CSDE1: variants seen among roughly 807,000 people sequenced by gnomAD.
CSDE1 encodes the protein cold shock domain containing E1.
In CSDE1, 17 loss-of-function variants were observed where a neutral mutation model predicts 89.3. That is an observed-to-expected ratio of 0.19 (90% CI 0.13 to 0.29). The LOEUF is 0.29. Among genes scored for constraint, CSDE1 ranks in the 10% least tolerant of loss-of-function variants. The pLI, the probability that CSDE1 is intolerant of heterozygous loss-of-function variation, is 1.00. For missense variants in CSDE1, 672 were observed against 984.2 expected, an observed-to-expected ratio of 0.68 and a Z score of 4.24; for synonymous variants, 322 against 332.8, an observed-to-expected ratio of 0.97 and a Z score of 0.35.
intron 1 of CSDE1, among the ~76,000 whole-genome samples, chr1:114,755,566 A>G (rs1558012090): frequency 6.6e-6 from 1 of 152,214 alleles, no homozygotes; most frequent in Admixed American, 6.5e-5. Flanking sequence ...AAAACATTCT[A>G]ATATCAAAAC....
chr1:114,724,364 C>G (rs1659687857), intron 15 of CSDE1: 1 of 204,758 alleles, frequency 4.9e-6, no homozygotes, highest in Admixed American at 5.4e-5. Context: ...TACTTACATA[C>G]TGTCCTGATT....
chr1:114,754,475 GAA>G (rs1267466790), intron 1 of CSDE1, among the ~76,000 whole-genome samples: 1 of 152,144 alleles, frequency 6.6e-6, no homozygotes, highest in Non-Finnish European at 1.5e-5. Flanking sequence ...CTCACTTCGG[GAA>G]AAGTTAATGA....
At chr1:114,718,961 T>C in intron 18 of CSDE1, 1 of 556,248 alleles carries the variant, frequency 1.8e-6, no homozygotes, top group Non-Finnish European at 3.2e-6. Context: ...ATGGAAGGAA[T>C]CATTTGCAGA....
intron 9 of CSDE1, 110 bp from the exon 10 acceptor site, chr1:114,732,926 G>C: frequency 1.1e-6 from 1 of 928,636 alleles, no homozygotes; most frequent in Admixed American, 2.5e-5. Flanking sequence ...TTAGTTCCCT[G>C]AAGCGAAAAA....
Position 114,717,950 on chromosome 1 carries a change from G to T in CSDE1, c.*219C>A, listed in dbSNP as rs569613546. The T allele has an allele frequency of 2.9e-5, 15 of 516,038 alleles. No homozygotes were observed. The highest frequency in any genetic ancestry group is 2.9e-4 in the African/African-American group (15 of 51,650). The allele number at this position is 516,038 out of a possible 1,614,324, so 32.0% of individuals were successfully genotyped here. A position where few individuals can be genotyped will look rare whatever the true frequency, so the allele number is the denominator to read the frequency against. On this transcript the variant is annotated 3_prime_UTR_variant, in exon 20 of 20. Transcript: ENST00000358528. Reference sequence around the variant, plus strand: ...TTGATACTATAAGGCGCCACCTTAAGTTTTTCCAGGCTGCAACTGTGCATT... The same window carrying T: ...TTGATACTATAAGGCGCCACCTTAATTTTTTCCAGGCTGCAACTGTGCATT...
At chr1:114,741,627 G>A in intron 2 of CSDE1, 1 of 1,548,544 alleles carries the variant, frequency 6.5e-7, no homozygotes, top group Non-Finnish European at 8.7e-7. Flanking sequence ...TGCAGGAGAG[G>A]GATGAGGATC....
At chr1:114,734,883 G>A (rs562507836) in intron 6 of CSDE1, among the ~76,000 whole-genome samples, 1 of 152,284 alleles carries the variant, frequency 6.6e-6, no homozygotes, top group South Asian at 2.1e-4. Flanking sequence ...ACCAAAGGTG[G>A]GGAATACTAA....
chr1:114,718,349 T>G (rs919687973), intron 19 of CSDE1, 133 bp from the exon 20 acceptor site: 18 of 1,140,072 alleles, frequency 1.6e-5, no homozygotes, highest in Non-Finnish European at 2.2e-5. Flanking sequence ...AATTCTTTCC[T>G]AGAGGAGAAA....
intron 6 of CSDE1, among the ~76,000 whole-genome samples, chr1:114,736,030 G>A (rs1390397697): frequency 6.6e-6 from 1 of 152,026 alleles, no homozygotes; most frequent in Non-Finnish European, 1.5e-5. Context: ...TTCTCCTTAT[G>A]TCTCCTTAGC....
In CSDE1 at chr1:114,723,914, C is replaced by T. The variant is rs1159734609; in HGVS notation, c.1842G>A (p.Glu614=). ...PLRSVDPTQT[E]YQGMIEIVEE... ...CCACAATCTCAATCATTCCTTGGTA[C>T]TCAGTCTGTGTTGGATCAACACTCC... The change falls in exon 16 of 20, where the codon GAG becomes GAA. Residue 614 remains glutamate, a synonymous_variant. Coordinates refer to ENST00000358528, the MANE Select transcript of CSDE1 (RefSeq NM_001007553.3). The T allele has an allele frequency of 1.9e-6, 3 of 1,614,050 alleles. No individual in the cohort carries two copies. The highest frequency in any genetic ancestry group is 2.2e-5 in the South Asian group (2 of 91,090).
intron 3 of CSDE1, among the ~76,000 whole-genome samples, chr1:114,739,178 C>T (rs1424661975): frequency 1.3e-5 from 2 of 152,066 alleles, no homozygotes; most frequent in Non-Finnish European, 1.5e-5. Flanking sequence ...ACTACAGGTG[C>T]CTGCCACCAC....
chr1:114,742,306 T>C (rs1358699749), intron 2 of CSDE1, among the ~76,000 whole-genome samples: 2 of 152,026 alleles, frequency 1.3e-5, no homozygotes, highest in African/African-American at 2.4e-5. Context: ...ATAAGACAAA[T>C]GAGGCCGGAT....
chr1:114,719,470 T>C (rs2101005109), intron 18 of CSDE1, 109 bp downstream of exon 18: 3 of 1,107,384 alleles, frequency 2.7e-6, no homozygotes, highest in Non-Finnish European at 3.8e-6. Flanking sequence ...TATCAAGAAA[T>C]AATAAGTGGC....
In CSDE1 at chr1:114,718,164, T is replaced by G; in HGVS notation, c.*5A>C. 6.2e-7 allele frequency: 1 copy of G among 1,614,090 alleles called. No individual in the cohort carries two copies. The highest frequency in any genetic ancestry group is 8.5e-7 in the Non-Finnish European group (1 of 1,179,976). On this transcript the variant is annotated 3_prime_UTR_variant, in exon 20 of 20. Coordinates refer to ENST00000358528, the MANE Select transcript of CSDE1 (RefSeq NM_001007553.3). ...GTGGATTAATGGTGTGCTTTGTGGA[T>G]GTGGTTAGTCAATGACACCAGCTTG...
At chr1:114,743,738 T>C (rs756746259) in intron 2 of CSDE1, among the ~76,000 whole-genome samples, 42 of 152,312 alleles carry the variant, frequency 2.8e-4, no homozygotes, top group East Asian at 3.9e-4. Flanking sequence ...AACAAGAATG[T>C]TGGAATCTGG....
intron 14 of CSDE1, among the ~76,000 whole-genome samples, chr1:114,725,789 CCAT>C (rs919034533): frequency 3.9e-5 from 6 of 152,164 alleles, no homozygotes; most frequent in African/African-American, 9.7e-5. Flanking sequence ...GTATGCACCA[CCAT>C]GTCAGGCTAA....
rs536802381 is a variant in CSDE1, at chr1:114,717,206, G to A, written c.*963C>T. 1 of 152,492 alleles carries A rather than the reference G, an allele frequency of 6.6e-6. No homozygotes were observed. The highest frequency in any genetic ancestry group is 1.9e-4 in the East Asian group (1 of 5,178). The allele number at this position is 152,492 out of a possible 1,614,324, so 9.4% of individuals were successfully genotyped here. ...CCATCCATTCCCGTGATATAAAGTT[G>A]AACAGAAGCTACACCAAGGGTCAAG... is the stretch of plus-strand genomic sequence containing the variant. On this transcript the variant is annotated 3_prime_UTR_variant, in exon 20 of 20. Coordinates refer to ENST00000358528, the MANE Select transcript of CSDE1 (RefSeq NM_001007553.3).
chr1:114,755,518 TGTGTTGTTTTTAACTAG>T (rs1450787158), intron 1 of CSDE1, among the ~76,000 whole-genome samples: 1 of 152,216 alleles, frequency 6.6e-6, no homozygotes, highest in Non-Finnish European at 1.5e-5. Flanking sequence ...TAAAAAGTTT[TGTGTTGTTTTTAACTAG>T]GTACCCACAC....
intron 12 of CSDE1, among the ~76,000 whole-genome samples, chr1:114,728,708 T>G (rs1659938390): frequency 6.6e-6 from 1 of 152,238 alleles, no homozygotes; most frequent in Admixed American, 6.5e-5. Flanking sequence ...ACATGCGAAA[T>G]TCCTATTATG....
Sources: allele counts gnomAD v4.1 joint callset (sites outside exome capture counted in the v4.1 genomes callset), GRCh38; gene constraint gnomAD v4.1.1; transcripts MANE v1.5; gene names NCBI Gene and HGNC (gene_info 2026-07-23, HGNC 2026-07-21).